The following ERC2 variants were observed in gnomAD, a reference collection of about 807,000 sequenced individuals.
ERC2 encodes ERC protein 2.
In ERC2, 42 loss-of-function variants were observed where a neutral mutation model predicts 114.8. The observed-to-expected ratio is 0.37, with a 90% CI of 0.29 to 0.47. The LOEUF is 0.47. Ranked by LOEUF, ERC2 falls within the 20% of genes least tolerant of loss-of-function variation. The pLI is 0.99. For synonymous variants in ERC2, 454 were observed against 425.5 expected, an observed-to-expected ratio of 1.07 and a Z score of -0.82; for missense variants, 939 against 1,150.7, an observed-to-expected ratio of 0.82 and a Z score of 2.66.
chr3:56,127,939 C>T lies in ERC2; in HGVS notation c.1473+11570G>A, dbSNP rs374425828. On this transcript the variant is annotated intron_variant, in intron 6 of 17. Coordinates refer to ENST00000288221, the MANE Select transcript of ERC2 (RefSeq NM_015576.3). ...ACATATAGAAGAAATAAATTAGACC[C>T]TATCTCTCACCATATACAAAAGTTA... Among the ~76,000 whole-genome samples the T allele has an allele frequency of 5.3e-5, 8 of 152,128 alleles. No individual in the cohort carries two copies. In the South Asian group the frequency reaches 8.3e-4, roughly 16 times the overall value.
At chr3:55,643,487 G>GA (rs1575903649) in intron 17 of ERC2, among the ~76,000 whole-genome samples, 1 of 152,090 alleles carries the variant, frequency 6.6e-6, no homozygotes, top group African/African-American at 2.4e-5. Context: ...TACTGGACTT[G>GA]AAAAAAATTT....
chr3:56,256,012 C>T (rs1445158493), intron 3 of ERC2, among the ~76,000 whole-genome samples: 1 of 152,178 alleles, frequency 6.6e-6, no homozygotes, highest in Non-Finnish European at 1.5e-5. Flanking sequence ...CAAAACAGTT[C>T]CCTCAATGTG....
chr3:56,164,924 C>T (rs2082247278), intron 4 of ERC2, among the ~76,000 whole-genome samples: 2 of 151,778 alleles, frequency 1.3e-5, no homozygotes. Context: ...ATCTTTTGCC[C>T]AGTTTTGTAA....
chr3:56,073,150 T>C lies in ERC2; in HGVS notation c.1641+7667A>G, dbSNP rs944412500. Among the ~76,000 whole-genome samples, 3 of 152,304 alleles carry C rather than the reference T, an allele frequency of 2.0e-5. No individual in the cohort carries two copies. In the South Asian group the frequency reaches 6.2e-4, roughly 32 times the overall value. The stretch of plus-strand genomic sequence containing the variant: ...ACAGAAAAAGTGCAGGTAAAAATGT[T>C]ATGCATTTCAACTGAGATAATACTG... On this transcript the variant is annotated intron_variant, in intron 7 of 17. Transcript: ENST00000288221.
chr3:56,086,622 A>G (rs2077518621), intron 6 of ERC2, among the ~76,000 whole-genome samples: 1 of 152,044 alleles, frequency 6.6e-6, no homozygotes. Context: ...CATGGTGCAA[A>G]ACCACAAGCA....
chr3:55,782,961 A>G (rs1485007808), intron 14 of ERC2, among the ~76,000 whole-genome samples: 4 of 152,214 alleles, frequency 2.6e-5, no homozygotes, highest in Non-Finnish European at 5.9e-5. Context: ...CATTCAACAG[A>G]TGGTAAATAG....
intron 14 of ERC2, among the ~76,000 whole-genome samples, chr3:55,783,398 C>T (rs1301919716): frequency 1.3e-5 from 2 of 152,150 alleles, no homozygotes. Context: ...AGCAATGTGC[C>T]TAGATTGTTA....
At chr3:55,837,243 C>T (rs992109126) in intron 14 of ERC2, among the ~76,000 whole-genome samples, 3 of 152,156 alleles carry the variant, frequency 2.0e-5, no homozygotes, top group African/African-American at 7.2e-5. Flanking sequence ...ATCCAGCCAT[C>T]CCATTACTGG....
intron 2 of ERC2, among the ~76,000 whole-genome samples, chr3:56,317,979 A>G (rs1426641464): frequency 6.6e-6 from 1 of 152,184 alleles, no homozygotes; most frequent in Non-Finnish European, 1.5e-5. Context: ...TGTCACAAAC[A>G]TTCCTAAGGG....
intron 14 of ERC2, among the ~76,000 whole-genome samples, chr3:55,847,929 G>T (rs375825753): frequency 3.5e-4 from 53 of 152,146 alleles, no homozygotes; most frequent in South Asian, 8.3e-4. Context: ...CTCCCAATCA[G>T]CTGTAACCAC....
chr3:56,000,855 C>G (rs1437173519), intron 10 of ERC2, among the ~76,000 whole-genome samples: 1 of 148,888 alleles, frequency 6.7e-6, no homozygotes, highest in South Asian at 2.1e-4. Context: ...GAGTTTGAGA[C>G]CAGTCTTAGG....
chr3:55,933,988 T>A (rs1305998079), intron 13 of ERC2, among the ~76,000 whole-genome samples: 1 of 152,106 alleles, frequency 6.6e-6, no homozygotes, highest in African/African-American at 2.4e-5. Context: ...AGGTGGAAAA[T>A]ACAGCCATCT....
intron 3 of ERC2, among the ~76,000 whole-genome samples, chr3:56,263,772 A>C (rs751868737): frequency 1.3e-5 from 2 of 152,206 alleles, no homozygotes; most frequent in African/African-American, 4.8e-5. Flanking sequence ...AATTCTTTCA[A>C]AAATAGAACT....
chr3:55,963,197 C>T, intron 12 of ERC2, among the ~76,000 whole-genome samples: 1 of 152,208 alleles, frequency 6.6e-6, no homozygotes, highest in East Asian at 1.9e-4. Flanking sequence ...AATTTCCATT[C>T]TCTGAACCCA....
intron 17 of ERC2, among the ~76,000 whole-genome samples, chr3:55,630,767 A>AT (rs1553730587): frequency 1.3e-5 from 2 of 152,210 alleles, no homozygotes; most frequent in African/African-American, 2.4e-5. Context: ...TTACACAAAG[A>AT]TTTTTTTCTT....
chr3:56,267,339 T>C (rs966007247), intron 3 of ERC2, among the ~76,000 whole-genome samples: 2 of 152,212 alleles, frequency 1.3e-5, no homozygotes, highest in Non-Finnish European at 2.9e-5. Context: ...TAAGACATTA[T>C]GCTAACTGAA....
rs371055607 is a variant in ERC2 at position 55,668,506 on chromosome 3, G to T, written c.*39+15288C>A. On this transcript the variant is annotated intron_variant, in intron 17 of 17. Transcript: ENST00000288221. ...CAGGACAAGTTATGCTCATCGTCATGACTTGGATTCCATGGCTACAAGTCT... is the reference window on the plus strand; with the variant it reads ...CAGGACAAGTTATGCTCATCGTCATTACTTGGATTCCATGGCTACAAGTCT... Among the ~76,000 whole-genome samples, 12 of 152,334 alleles carry T rather than the reference G, an allele frequency of 7.9e-5. No individual in the cohort carries two copies. In the East Asian group the frequency reaches 2.3e-3, roughly 29 times the overall value.
chr3:55,733,310 G>T (rs1000804356), intron 15 of ERC2, among the ~76,000 whole-genome samples: 9 of 152,226 alleles, frequency 5.9e-5, no homozygotes, highest in African/African-American at 2.2e-4. Context: ...GCGTTAGCAA[G>T]GCATGCCACT....
chr3:55,830,841 G>A (rs1414536925), intron 14 of ERC2, among the ~76,000 whole-genome samples: 1 of 152,088 alleles, frequency 6.6e-6, no homozygotes, highest in Admixed American at 6.6e-5. Flanking sequence ...CTACCTGAGA[G>A]GCTGAGGCAG....
Sources: gnomAD v4.1 joint callset for allele counts (sites outside exome capture counted in the v4.1 genomes callset) on GRCh38, gnomAD v4.1.1 for gene constraint, MANE v1.5 for transcripts, NCBI Gene and HGNC (gene_info 2026-07-23, HGNC 2026-07-21) for gene names.